Variants in GABBR2 observed in about 807,000 individuals in gnomAD.
GABBR2 encodes the protein gamma-aminobutyric acid type B receptor subunit 2.
In GABBR2, 23 loss-of-function variants were observed where a neutral mutation model predicts 105.6. The ratio of observed to expected loss-of-function variants is 0.22; its 90% CI spans 0.16 to 0.31. The LOEUF (loss-of-function observed/expected upper bound fraction) is 0.31, where lower values mean the gene tolerates loss of function less well. Ranked by LOEUF, GABBR2 falls within the 10% of genes least tolerant of loss-of-function variation. The pLI, the probability that GABBR2 is intolerant of heterozygous loss-of-function variation, is 1.00. For missense variants in GABBR2, 734 were observed against 1,245.5 expected (o/e 0.59, Z 6.18); for synonymous variants, 478 against 499.7 (o/e 0.96, Z 0.58).
At chr9:98,537,039 A>G (rs1428533859) in intron 3 of GABBR2, among the ~76,000 whole-genome samples, 1 of 152,132 alleles carries the variant, frequency 6.6e-6, no homozygotes, top group African/African-American at 2.4e-5. Context: ...CTCTGAGCCA[A>G]TTACGCAGGA....
intron 7 of GABBR2, among the ~76,000 whole-genome samples, chr9:98,408,362 A>G (rs1564055823): frequency 6.6e-6 from 1 of 152,202 alleles, no homozygotes; most frequent in South Asian, 2.1e-4. Flanking sequence ...GTGCTGATGG[A>G]GACACGGATG....
At chr9:98,336,315 C>T (rs1390240532) in intron 13 of GABBR2, among the ~76,000 whole-genome samples, 3 of 152,140 alleles carry the variant, frequency 2.0e-5, no homozygotes, top group South Asian at 2.1e-4. Context: ...TGGAGTGGGA[C>T]TGGATTGTGT....
rs149248439 is a variant in GABBR2, at chr9:98,350,983, T to A, written c.1893+11732A>T. On this transcript the variant is annotated intron_variant, in intron 13 of 18. Transcript: ENST00000259455. ...ATGAATCGATCCCTTTATCATTATGTCATGTTCTCCTTTGTCCCTTTTTAT... is the reference window on the plus strand; with the variant it reads ...ATGAATCGATCCCTTTATCATTATGACATGTTCTCCTTTGTCCCTTTTTAT... Among the ~76,000 whole-genome samples the A allele has an allele frequency of 9.7e-3, 1,472 of 152,304 alleles. 17 individuals carry two copies. The highest frequency in any genetic ancestry group is 0.034 in the African/African-American group (1,397 of 41,570).
At chr9:98,601,085 C>T (rs1295911511) in intron 1 of GABBR2, among the ~76,000 whole-genome samples, 2 of 152,194 alleles carry the variant, frequency 1.3e-5, no homozygotes, top group South Asian at 2.1e-4. Context: ...CTGTGCCCCA[C>T]TGACCTCATA....
intron 13 of GABBR2, among the ~76,000 whole-genome samples, chr9:98,352,222 G>A (rs1426317506): frequency 1.3e-5 from 2 of 152,352 alleles, no homozygotes; most frequent in East Asian, 1.9e-4. Context: ...TGGCATGTAG[G>A]GGCACTGGTG....
Position 98,585,891 on chromosome 9 carries a change from T to G in GABBR2, c.322-7819A>C, listed in dbSNP as rs1248252692. ...TGGGATGTTCAGTCTTTAAATATAA[T>G]GCAGCTATTTCAAAATCTGAAAAAC... On this transcript the variant is annotated intron_variant, in intron 1 of 18. Transcript: ENST00000259455. Among the ~76,000 whole-genome samples the G allele has an allele frequency of 7.0e-5, 6 of 86,074 alleles. 2 individuals are homozygous for G. The highest frequency in any genetic ancestry group is 1.6e-4 in the Non-Finnish European group (6 of 36,606). 56.5% of individuals were successfully genotyped at this position (86,074 alleles called of 152,430 possible). A position where few individuals can be genotyped will look rare whatever the true frequency, so the allele number is the denominator to read the frequency against.
chr9:98,506,911 AAGTCCTCCAGAGGG>A (rs1827524542), intron 3 of GABBR2, among the ~76,000 whole-genome samples: 1 of 152,082 alleles, frequency 6.6e-6, no homozygotes, highest in African/African-American at 2.4e-5. Context: ...TGCACTATGA[AAGTCCTCCAGAGGG>A]AGGGCAGGGA....
At chr9:98,387,505 C>CT (rs971865544) in intron 10 of GABBR2, among the ~76,000 whole-genome samples, 3 of 152,018 alleles carry the variant, frequency 2.0e-5, no homozygotes, top group Non-Finnish European at 2.9e-5. Flanking sequence ...AGTTGCCTCA[C>CT]TTTTTTTTGT....
chr9:98,405,971 T>C lies in GABBR2; in HGVS notation c.1297+110A>G, dbSNP rs115552202. 1,391 of 715,492 alleles carry C rather than the reference T, an allele frequency of 1.9e-3. 17 individuals carry two copies. In the African/African-American group the frequency reaches 0.021, roughly 11 times the overall value. 44.3% of individuals were successfully genotyped at this position (715,492 alleles called of 1,614,324 possible). On this transcript the variant is annotated intron_variant, in intron 8 of 18. Transcript: ENST00000259455. Reference sequence around the variant, plus strand: ...GTGTTTTCAATTGGCTCTGCTTTCTTTTATCTGGAACATCACACTTGCATT... The same window carrying C: ...GTGTTTTCAATTGGCTCTGCTTTCTCTTATCTGGAACATCACACTTGCATT...
At chr9:98,451,643 T>C (rs1331692084) in intron 7 of GABBR2, among the ~76,000 whole-genome samples, 1 of 150,338 alleles carries the variant, frequency 6.7e-6, no homozygotes, top group African/African-American at 2.5e-5. Flanking sequence ...AATGGGCCCA[T>C]GTGGGGCCTG....
intron 13 of GABBR2, among the ~76,000 whole-genome samples, chr9:98,357,085 T>C (rs1402756161): frequency 2.0e-5 from 3 of 152,250 alleles, no homozygotes; most frequent in Non-Finnish European, 4.4e-5. Context: ...TATGATATTG[T>C]AATGGTGACT....
At chr9:98,359,044 G>A (rs1831536693) in intron 13 of GABBR2, among the ~76,000 whole-genome samples, 1 of 152,102 alleles carries the variant, frequency 6.6e-6, no homozygotes, top group South Asian at 2.1e-4. Context: ...TACCTCACAG[G>A]ATTATTATAA....
intron 18 of GABBR2, among the ~76,000 whole-genome samples, chr9:98,291,266 T>C (rs1002486960): frequency 2.6e-5 from 4 of 152,328 alleles, no homozygotes; most frequent in African/African-American, 9.6e-5. Flanking sequence ...ATTTACTGAA[T>C]ACTGTACTGA....
chr9:98,436,407 AG>A (rs1825927406), intron 7 of GABBR2, among the ~76,000 whole-genome samples: 1 of 60,014 alleles, frequency 1.7e-5, no homozygotes, highest in African/African-American at 6.5e-5. Flanking sequence ...ATATATATAT[AG>A]TATGGCGTTC....
At chr9:98,458,860 CG>C (rs1179036349) in intron 6 of GABBR2, among the ~76,000 whole-genome samples, 5 of 152,218 alleles carry the variant, frequency 3.3e-5, no homozygotes, top group Non-Finnish European at 7.3e-5. Flanking sequence ...GTCCCTCCTG[CG>C]ATCTGATTAT....
At chr9:98,677,787 C>T (rs1830494423) in intron 1 of GABBR2, among the ~76,000 whole-genome samples, 1 of 152,100 alleles carries the variant, frequency 6.6e-6, no homozygotes, top group Non-Finnish European at 1.5e-5. Context: ...AGTGGCTCTC[C>T]CTCCAGCCTC....
At chr9:98,484,433 A>G (rs1826997653) in intron 4 of GABBR2, among the ~76,000 whole-genome samples, 1 of 152,156 alleles carries the variant, frequency 6.6e-6, no homozygotes, top group Admixed American at 6.5e-5. Context: ...ATGCAGAGCC[A>G]GGTCATGCCT....
chr9:98,604,004 C>T (rs1564128092), intron 1 of GABBR2, among the ~76,000 whole-genome samples: 1 of 152,212 alleles, frequency 6.6e-6, no homozygotes, highest in African/African-American at 2.4e-5. Context: ...TTAAGTAGCT[C>T]TGTTTGGCTG....
In GABBR2 at chr9:98,666,366, A is replaced by C. The variant is rs564699489; in HGVS notation, c.321+42051T>G. On this transcript the variant is annotated intron_variant, in intron 1 of 18. Coordinates refer to ENST00000259455, the MANE Select transcript of GABBR2 (RefSeq NM_005458.8). ...GCTCCACTCAGGATCACTCCCAGTG[A>C]CCCACTTGGAGAATTCATGCTTCTC... Among the ~76,000 whole-genome samples, 20 of 152,298 alleles carry C rather than the reference A, an allele frequency of 1.3e-4. 1 individual carries two copies. In the South Asian group the frequency reaches 2.9e-3, roughly 22 times the overall value.
Sources: gnomAD v4.1 joint callset for allele counts (sites outside exome capture counted in the v4.1 genomes callset) on GRCh38, gnomAD v4.1.1 for gene constraint, MANE v1.5 for transcripts, NCBI Gene and HGNC (gene_info 2026-07-23, HGNC 2026-07-21) for gene names.